ATRNL1: variants seen among roughly 807,000 people sequenced by gnomAD.
The protein encoded by ATRNL1 is attractin-like protein 1.
ATRNL1 carries 95 observed loss-of-function variants against 182.7 expected under a neutral mutation model. That is an observed-to-expected ratio of 0.52 (90% confidence interval 0.44 to 0.62). The LOEUF is 0.62. Ranked by LOEUF, ATRNL1 falls within the 20% of genes least tolerant of loss-of-function variation. The probability of loss-of-function intolerance (pLI) is 0.00; values close to 1 mark genes in which losing one functional copy is unlikely to be tolerated. For missense variants in ATRNL1, 1,471 were observed against 1,679.5 expected (o/e 0.88, Z 2.17); for synonymous variants, 576 against 568.3 (o/e 1.01, Z -0.19).
intron 3 of ATRNL1, among the ~76,000 whole-genome samples, chr10:115,122,836 A>G (rs2143644523): frequency 6.6e-6 from 1 of 152,284 alleles, no homozygotes; most frequent in South Asian, 2.1e-4. Context: ...CCCTTCATCT[A>G]AGGACAATAG....
intron 5 of ATRNL1, among the ~76,000 whole-genome samples, chr10:115,154,520 C>G (rs536611317): frequency 1.3e-3 from 202 of 152,114 alleles, no homozygotes; most frequent in African/African-American, 4.2e-3. Flanking sequence ...CTCTTTTGAT[C>G]TTTGTTGGTT....
chr10:115,424,292 G>A (rs1434828737), intron 20 of ATRNL1, among the ~76,000 whole-genome samples: 2 of 152,154 alleles, frequency 1.3e-5, no homozygotes, highest in African/African-American at 2.4e-5. Context: ...AAATACTGGC[G>A]AGGTTGTGGA....
chr10:115,284,211 A>G (rs1041119142), intron 14 of ATRNL1, among the ~76,000 whole-genome samples: 8 of 152,278 alleles, frequency 5.3e-5, no homozygotes, highest in Admixed American at 4.6e-4. Flanking sequence ...GTATAAAAAT[A>G]TTTGGTTTGG....
intron 7 of ATRNL1, among the ~76,000 whole-genome samples, chr10:115,168,717 C>T (rs559232496): frequency 6.6e-6 from 1 of 152,142 alleles, no homozygotes; most frequent in South Asian, 2.1e-4. Flanking sequence ...AAGCCATTAT[C>T]AGGTAAATAA....
intron 19 of ATRNL1, among the ~76,000 whole-genome samples, chr10:115,369,771 A>G (rs1857290799): frequency 1.3e-5 from 2 of 152,310 alleles, no homozygotes; most frequent in East Asian, 1.9e-4. Flanking sequence ...AGCCATTCTA[A>G]CAGATGTGAG....
intron 1 of ATRNL1, among the ~76,000 whole-genome samples, chr10:115,116,604 T>TTTC (rs2143583933): frequency 6.6e-6 from 1 of 152,188 alleles, no homozygotes; most frequent in Non-Finnish European, 1.5e-5. Flanking sequence ...TTCTTGGAGT[T>TTTC]TAAGAAGAGA....
chr10:115,096,696 G>A (rs1592091205), intron 1 of ATRNL1: 1 of 1,288,816 alleles, frequency 7.8e-7, no homozygotes, highest in Non-Finnish European at 1.0e-6. Context: ...GAGGATAGAA[G>A]ATTGATAGTT....
chr10:115,687,727 T>C (rs1348794222), intron 26 of ATRNL1, among the ~76,000 whole-genome samples: 1 of 152,050 alleles, frequency 6.6e-6, no homozygotes, highest in Non-Finnish European at 1.5e-5. Context: ...GGAGTGTTTG[T>C]TGCAGGCAAA....
chr10:115,825,919 C>T (rs1377404769), intron 27 of ATRNL1, among the ~76,000 whole-genome samples: 1 of 152,100 alleles, frequency 6.6e-6, no homozygotes, highest in Non-Finnish European at 1.5e-5. Context: ...CTGTTAAGCT[C>T]AGTGCCTAGC....
intron 24 of ATRNL1, among the ~76,000 whole-genome samples, chr10:115,517,693 G>A (rs574096661): frequency 6.6e-5 from 10 of 151,532 alleles, no homozygotes; most frequent in African/African-American, 2.2e-4. Flanking sequence ...ATTCCAATTT[G>A]TCTTAAATAA....
At chr10:115,936,549 A>G (rs1953565443) in intron 28 of ATRNL1, among the ~76,000 whole-genome samples, 1 of 152,176 alleles carries the variant, frequency 6.6e-6, no homozygotes. Context: ...GTAGTAACAG[A>G]TTATTATTGA....
intron 20 of ATRNL1, among the ~76,000 whole-genome samples, chr10:115,395,339 A>G (rs1465806383): frequency 5.3e-5 from 8 of 151,918 alleles, no homozygotes; most frequent in African/African-American, 1.9e-4. Context: ...TTTTTGGTAG[A>G]ATGATTTATT....
At chr10:115,231,029 G>A (rs781980276) in intron 9 of ATRNL1, among the ~76,000 whole-genome samples, 6 of 152,042 alleles carry the variant, frequency 3.9e-5, no homozygotes, top group African/African-American at 7.2e-5. Context: ...TAGGTTTGGT[G>A]TCAGGAAGAA....
intron 26 of ATRNL1, among the ~76,000 whole-genome samples, chr10:115,561,706 T>G (rs55650872): frequency 1.1e-4 from 12 of 112,892 alleles, no homozygotes; most frequent in South Asian, 3.1e-4. Context: ...TGTGTGTGGG[T>G]GTGTGTGTGT....
intron 26 of ATRNL1, among the ~76,000 whole-genome samples, chr10:115,581,485 A>T (rs1855075500): frequency 6.6e-6 from 1 of 152,170 alleles, no homozygotes; most frequent in Non-Finnish European, 1.5e-5. Context: ...ATGCATAGTT[A>T]TTGGAAGTGC....
At chr10:115,810,465 A>C (rs1309467057) in intron 27 of ATRNL1, among the ~76,000 whole-genome samples, 1 of 151,982 alleles carries the variant, frequency 6.6e-6, no homozygotes, top group South Asian at 2.1e-4. Context: ...TTATTTTTCC[A>C]TAAAAGAACT....
At chr10:115,295,594 G>A (rs181253552) in intron 15 of ATRNL1, among the ~76,000 whole-genome samples, 187 of 152,274 alleles carry the variant, frequency 1.2e-3, no homozygotes, top group Admixed American at 3.5e-3. Context: ...GTGCAGGCAT[G>A]TAGCCGCTCC....
At chr10:115,728,392 A>G (rs1350660131) in intron 27 of ATRNL1, among the ~76,000 whole-genome samples, 4 of 150,222 alleles carry the variant, frequency 2.7e-5, no homozygotes, top group African/African-American at 9.7e-5. Flanking sequence ...ATTTAATTGT[A>G]TGTTTATTAC....
chr10:115,199,839 T>C (rs17722537), intron 8 of ATRNL1, among the ~76,000 whole-genome samples: 2,807 of 152,228 alleles, frequency 0.018, 49 homozygotes, highest in Non-Finnish European at 0.029. Context: ...GAGAAAGAAA[T>C]GTTTGAATGC....
Sources: allele counts gnomAD v4.1 joint callset (sites outside exome capture counted in the v4.1 genomes callset), GRCh38; gene constraint gnomAD v4.1.1; transcripts MANE v1.5; gene names NCBI Gene and HGNC (gene_info 2026-07-23, HGNC 2026-07-21).